The following FNBP1L variants were observed in gnomAD, a reference collection of about 807,000 sequenced individuals.
FNBP1L encodes the protein formin-binding protein 1-like.
FNBP1L carries 36 observed loss-of-function variants against 91.2 expected under a neutral mutation model. The ratio of observed to expected loss-of-function variants is 0.39; its 90% CI spans 0.30 to 0.52. FNBP1L has a LOEUF of 0.52. Among genes scored for constraint, FNBP1L ranks in the 20% least tolerant of loss-of-function variants. FNBP1L has a pLI of 0.66. For synonymous variants in FNBP1L, 242 were observed against 237.0 expected (o/e 1.02, Z -0.19); for missense variants, 571 against 732.1 (o/e 0.78, Z 2.54).
intron 12 of FNBP1L, 44 bp from the exon 13 acceptor site, chr1:93,546,798 A>G: frequency 6.2e-7 from 1 of 1,602,136 alleles, no homozygotes; most frequent in South Asian, 1.1e-5. Context: ...ATCTGGAAGC[A>G]TATGAAGTTA....
chr1:93,479,152 A>G (rs567683672), intron 1 of FNBP1L, among the ~76,000 whole-genome samples: 2 of 152,354 alleles, frequency 1.3e-5, no homozygotes, highest in Admixed American at 1.3e-4. Flanking sequence ...GTGACATCAC[A>G]TATCGGTAGG....
At chr1:93,494,385 T>C (rs1227232677) in intron 1 of FNBP1L, among the ~76,000 whole-genome samples, 1 of 152,202 alleles carries the variant, frequency 6.6e-6, no homozygotes. Flanking sequence ...TTAGGGTTTT[T>C]ATGGGGGCTC....
At chr1:93,546,450 T>C (rs1187272839) in intron 12 of FNBP1L, among the ~76,000 whole-genome samples, 5 of 152,082 alleles carry the variant, frequency 3.3e-5, no homozygotes, top group African/African-American at 9.7e-5. Context: ...AATGATGATG[T>C]ATGAGCTAAG....
At chr1:93,458,981 A>G (rs2493644) in intron 1 of FNBP1L, among the ~76,000 whole-genome samples, 151,000 of 152,364 alleles carry the variant, frequency 0.99, 74,837 homozygotes, top group East Asian at 1. Context: ...GTTTTACAGT[A>G]TATCCTCTGT....
Position 93,548,087 on chromosome 1 carries a change from GGTTT to G in FNBP1L, c.1502+650_1502+653del, listed in dbSNP as rs1672299117. On this transcript the variant is annotated intron_variant, in intron 14 of 16. Transcript: ENST00000271234. ...TGGAGGTTAAAATATCCACCCTTTAGGTTTGTTAGTAAAAAAGTAAATAATACAC... is the reference window on the plus strand; with the variant it reads ...TGGAGGTTAAAATATCCACCCTTTAGGTTAGTAAAAAAGTAAATAATACAC... Among the ~76,000 whole-genome samples, 3 of 152,026 alleles carry G rather than the reference GGTTT, an allele frequency of 2.0e-5. No homozygotes were observed. The South Asian group carries it at 6.2e-4, about 32-fold the overall frequency.
intron 2 of FNBP1L, among the ~76,000 whole-genome samples, chr1:93,510,762 G>C (rs1028772548): frequency 2.6e-5 from 4 of 152,192 alleles, no homozygotes; most frequent in Non-Finnish European, 5.9e-5. Flanking sequence ...GTGCTTAAAG[G>C]AGCTGATGGA....
At chr1:93,452,703 T>C (rs1342340564) in intron 1 of FNBP1L, among the ~76,000 whole-genome samples, 1 of 152,238 alleles carries the variant, frequency 6.6e-6, no homozygotes, top group Non-Finnish European at 1.5e-5. Flanking sequence ...TGGGACTGTC[T>C]ATAATATTGA....
At chr1:93,494,004 G>T (rs1009981668) in intron 1 of FNBP1L, among the ~76,000 whole-genome samples, 1 of 152,128 alleles carries the variant, frequency 6.6e-6, no homozygotes, top group African/African-American at 2.4e-5. Flanking sequence ...GTCACTATCT[G>T]TCTGGAGTTG....
intron 1 of FNBP1L, among the ~76,000 whole-genome samples, chr1:93,488,094 C>G (rs1303659717): frequency 6.6e-6 from 1 of 152,066 alleles, no homozygotes; most frequent in Non-Finnish European, 1.5e-5. Context: ...CTTTTACAAC[C>G]CATGCTCAAA....
chr1:93,489,944 A>G (rs1056677456), intron 1 of FNBP1L, among the ~76,000 whole-genome samples: 10 of 152,204 alleles, frequency 6.6e-5, no homozygotes, highest in African/African-American at 2.2e-4. Flanking sequence ...TGCTGGAGGA[A>G]CTTTGGCAGA....
intron 10 of FNBP1L, 85 bp downstream of exon 10, chr1:93,536,575 C>T (rs1005864903): frequency 8.1e-7 from 1 of 1,238,904 alleles, no homozygotes; most frequent in East Asian, 2.7e-5. Context: ...CATTATAAGG[C>T]TCTCTCCTAT....
At chr1:93,499,415 C>T (rs1670371308) in intron 1 of FNBP1L, 53 bp from the exon 2 acceptor site, 3 of 1,134,562 alleles carry the variant, frequency 2.6e-6, no homozygotes, top group Admixed American at 4.4e-5. Context: ...TTAAAAATAT[C>T]TGTGGATAAA....
At chr1:93,541,269 A>C (rs754645204) in intron 11 of FNBP1L, among the ~76,000 whole-genome samples, 1 of 152,240 alleles carries the variant, frequency 6.6e-6, no homozygotes, top group Non-Finnish European at 1.5e-5. Context: ...TTAAGTTCTT[A>C]AATGTCATTG....
intron 2 of FNBP1L, among the ~76,000 whole-genome samples, chr1:93,503,779 CATT>C (rs1260105833): frequency 1.3e-5 from 2 of 152,068 alleles, no homozygotes; most frequent in African/African-American, 2.4e-5. Context: ...TTTTAATAAA[CATT>C]GTATTTGTAT....
At chr1:93,507,131 T>A (rs997294408) in intron 2 of FNBP1L, among the ~76,000 whole-genome samples, 49 of 148,322 alleles carry the variant, frequency 3.3e-4, no homozygotes, top group African/African-American at 1.1e-3. Context: ...TCTCTCTCTC[T>A]CTCTCTCTCT....
intron 1 of FNBP1L, among the ~76,000 whole-genome samples, chr1:93,485,227 G>GTGGGAAGA (rs367752889): frequency 6.6e-6 from 1 of 151,772 alleles, no homozygotes; most frequent in Non-Finnish European, 1.5e-5. Flanking sequence ...AGATAGCTGT[G>GTGGGAAGA]TGGGAAGATG....
intron 2 of FNBP1L, among the ~76,000 whole-genome samples, chr1:93,511,630 T>G (rs1473818531): frequency 6.6e-6 from 1 of 152,168 alleles, no homozygotes; most frequent in African/African-American, 2.4e-5. Context: ...GTAAATGGAC[T>G]AAATGCTCCA....
chr1:93,547,101 T>G, intron 13 of FNBP1L, 127 bp downstream of exon 13: 1 of 1,151,430 alleles, frequency 8.7e-7, no homozygotes, highest in South Asian at 1.5e-5. Flanking sequence ...TCTAAAAGTA[T>G]TATTGTGATG....
intron 1 of FNBP1L, among the ~76,000 whole-genome samples, chr1:93,449,950 T>A (rs1167500861): frequency 1.3e-5 from 2 of 152,146 alleles, no homozygotes; most frequent in African/African-American, 4.8e-5. Context: ...TTTTTATAAT[T>A]ACAAAATATT....
Sources: allele counts gnomAD v4.1 joint callset (sites outside exome capture counted in the v4.1 genomes callset), GRCh38; gene constraint gnomAD v4.1.1; transcripts MANE v1.5; gene names NCBI Gene and HGNC (gene_info 2026-07-23, HGNC 2026-07-21).